Variants in ABCA10 observed in about 807,000 individuals in gnomAD.
ABCA10 encodes ATP binding cassette subfamily A member 10, also known as ATP-binding cassette sub-family A member 10.
A neutral mutation model predicts 187.5 loss-of-function variants in ABCA10; 169 were observed. The ratio of observed to expected loss-of-function variants is 0.90; its 90% confidence interval spans 0.80 to 1.02. The LOEUF (loss-of-function observed/expected upper bound fraction) is 1.02. Among genes scored for constraint, ABCA10 ranks in the 50% least tolerant of loss-of-function variants. The pLI, the probability that ABCA10 is intolerant of heterozygous loss-of-function variation, is 0.00. For synonymous variants in ABCA10, 574 were observed against 601.8 expected, an observed-to-expected ratio of 0.95 and a Z score of 0.68; for missense variants, 1,727 against 1,812.4, an observed-to-expected ratio of 0.95 and a Z score of 0.86.
intron 1 of ABCA10, among the ~76,000 whole-genome samples, chr17:69,243,439 T>C (rs974369882): frequency 1.3e-5 from 2 of 152,184 alleles, no homozygotes; most frequent in Non-Finnish European, 2.9e-5. Flanking sequence ...TAGTAAATAT[T>C]TGTGTACATA....
In ABCA10 at chr17:69,153,415, C is replaced by G. The variant is rs201564034; in HGVS notation, c.4042-16G>C. ...CAAAGCACAGCTGCAATGCAAGGAA[C>G]AGCCCGTCGGCACCCAGCCATGGGT... is the stretch of plus-strand genomic sequence containing the variant. On this transcript the variant is annotated splice_polypyrimidine_tract_variant and intron_variant, in intron 33 of 38. Transcript: ENST00000690296. 3 of 1,613,538 alleles carry G rather than the reference C, an allele frequency of 1.9e-6. No homozygotes were observed.
Position 69,214,699 on chromosome 17 carries a change from C to A in ABCA10, c.1006+5G>T. On this transcript the variant is annotated splice_donor_5th_base_variant and intron_variant, in intron 9 of 38. Transcript: ENST00000690296. ...AATTTAACTTTAACCACACTATTAA[C>A]TTACCAGGTAAAACTCGCTCAAAAT... The A allele has an allele frequency of 6.7e-7, 1 of 1,482,846 alleles. No individual in the cohort carries two copies. Among genetic ancestry groups the A allele is most frequent in the Non-Finnish European group, 8.9e-7 (1 of 1,118,324 alleles). The allele number at this position is 1,482,846 out of a possible 1,614,324, so 91.9% of individuals were successfully genotyped here.
At chr17:69,179,495 T>C (rs781186011) in intron 22 of ABCA10, among the ~76,000 whole-genome samples, 24 of 152,206 alleles carry the variant, frequency 1.6e-4, no homozygotes, top group Admixed American at 3.3e-4. Context: ...TGTGTCATAC[T>C]GCATCTGAAG....
rs556229659 is a variant in ABCA10 at position 69,154,757 on chromosome 17, C to T, written c.3694+262G>A. On this transcript the variant is annotated intron_variant, in intron 30 of 38. Transcript: ENST00000690296. ...TTCTGAAACAAATGCTTAGTTAGCA[C>T]CTTGAAAAATCTCCTGTATTACAAC... 9.2e-5 allele frequency among the ~76,000 whole-genome samples: 14 copies of T among 152,188 alleles called. No individual in the cohort carries two copies. In the South Asian group the frequency reaches 2.9e-3, roughly 32 times the overall value.
chr17:69,208,853 G>T lies in ABCA10; in HGVS notation c.1006+5851C>A, dbSNP rs150521525. Among the ~76,000 whole-genome samples the T allele has an allele frequency of 2.2e-3, 339 of 152,090 alleles. 2 individuals are homozygous for T. Among genetic ancestry groups the T allele is most frequent in the African/African-American group, 8.0e-3 (330 of 41,482 alleles). On this transcript the variant is annotated intron_variant, in intron 9 of 38. Coordinates refer to ENST00000690296, the MANE Select transcript of ABCA10 (RefSeq NM_001377321.1). ...GGAGTTTGAGACCAGCCTGGGCAACGTAGCAAGACCCCACCTCTACAAAAA... is the reference window on the plus strand; with the variant it reads ...GGAGTTTGAGACCAGCCTGGGCAACTTAGCAAGACCCCACCTCTACAAAAA...
chr17:69,174,691 G>A lies in ABCA10; in HGVS notation c.2964C>T (p.Tyr988=), dbSNP rs952968543. The change falls in exon 24 of 39, where the codon TAC becomes TAT. Residue 988 remains tyrosine (Y), a synonymous_variant. Transcript: ENST00000690296. ...CGQALVDIPL[Y]FLILFSIHLI... is the part of the protein sequence containing the mutation. ...AATGTATTGAAAAGAGAATCAAGAA[G>A]TATAATGGAATGTCCACCAGAGCCT... 6.8e-6 allele frequency: 11 copies of A among 1,611,904 alleles called. No homozygotes were observed. Among genetic ancestry groups the A allele is most frequent in the Non-Finnish European group, 1.7e-6 (2 of 1,178,506 alleles).
At position 69,214,752 on chromosome 17, in the gene ABCA10, T is replaced by C. The variant is rs1198265411; in HGVS notation, c.958A>G (p.Thr320Ala). The C allele has an allele frequency of 2.5e-5, 38 of 1,518,862 alleles. No individual in the cohort carries two copies. Among genetic ancestry groups the C allele is most frequent in the Non-Finnish European group, 3.3e-5 (38 of 1,141,878 alleles). 94.1% of individuals were successfully genotyped at this position (1,518,862 alleles called of 1,614,324 possible). ...AATGTGAATATCAAATAGAAAAGAG[T>C]ATCAAATGCCAAAATGAAAAAAGTG... ...IATFFILAFD[T>A]LFYLIFTLYF... Residue 320 changes from threonine (T) to alanine (A), a missense_variant, in exon 9 of 39, where the codon ACT becomes GCT. Transcript: ENST00000690296.
At chr17:69,214,992 T>G in intron 8 of ABCA10, 141 bp from the exon 9 acceptor site, 1 of 542,210 alleles carries the variant, frequency 1.8e-6, no homozygotes, top group Non-Finnish European at 2.9e-6. Flanking sequence ...AATGTGCTAT[T>G]AGTATTGTTG....
At position 69,191,273 on chromosome 17, in the gene ABCA10, G is replaced by A. The variant is rs758943447; in HGVS notation, c.1914C>T (p.Ser638=). 2 of 1,602,302 alleles carry A rather than the reference G, an allele frequency of 1.2e-6. No individual in the cohort carries two copies. Among genetic ancestry groups the A allele is most frequent in the Non-Finnish European group, 1.7e-6 (2 of 1,173,118 alleles). Reference sequence around the variant, plus strand: ...CATCAGGAATGTGCTGCTTAATAAGGGATGTGATTTTTTCTGTGTCACACA... The same window carrying A: ...CATCAGGAATGTGCTGCTTAATAAGAGATGTGATTTTTTCTGTGTCACACA... ...NEMCDTEKIT[S]LIKQHIPDAK... is the part of the protein sequence containing the mutation. The change falls in exon 17 of 39, where the codon TCC becomes TCT. Residue 638 remains serine, a synonymous_variant. Coordinates refer to ENST00000690296, the MANE Select transcript of ABCA10 (RefSeq NM_001377321.1).
At chr17:69,233,811 C>A (rs1013176022), upstream of ABCA10, 1 of 152,188 alleles carries the variant, frequency 6.6e-6, no homozygotes, top group East Asian at 1.9e-4. Flanking sequence ...CATGCTAAGC[C>A]CAGGTTTGCT....
chr17:69,215,499 A>C, intron 8 of ABCA10: 1 of 200,272 alleles, frequency 5.0e-6, no homozygotes. Flanking sequence ...TATCCATGCC[A>C]TCTGGCTTCA....
intron 12 of ABCA10, 96 bp downstream of exon 12, chr17:69,194,285 CTGTG>C: frequency 3.0e-6 from 3 of 995,180 alleles, no homozygotes; most frequent in Non-Finnish European, 4.6e-6. Context: ...AATTATTCAA[CTGTG>C]TAACAAGTCC....
At chr17:69,193,082 T>A in intron 15 of ABCA10, 28 bp downstream of exon 15, 1 of 1,567,480 alleles carries the variant, frequency 6.4e-7, no homozygotes, top group Non-Finnish European at 8.6e-7. Flanking sequence ...CTTAAATAAC[T>A]AGTTGGAATA....
intron 1 of ABCA10, among the ~76,000 whole-genome samples, chr17:69,239,788 G>C (rs1434271913): frequency 1.3e-5 from 2 of 152,138 alleles, no homozygotes; most frequent in Non-Finnish European, 2.9e-5. Flanking sequence ...TCACAGGACA[G>C]CCACCTCTAG....
chr17:69,149,881 TGA>T, intron 37 of ABCA10, 101 bp downstream of exon 37: 1 of 899,130 alleles, frequency 1.1e-6, no homozygotes, highest in African/African-American at 1.7e-5. Context: ...TTTCAAGTTT[TGA>T]TTGATTATTT....
intron 24 of ABCA10, 42 bp from the exon 25 acceptor site, chr17:69,174,436 G>A (rs749106730): frequency 6.6e-7 from 1 of 1,513,642 alleles, no homozygotes; most frequent in African/African-American, 1.4e-5. Flanking sequence ...GAAATGGCAG[G>A]TCATAGAGGG....
intron 9 of ABCA10, among the ~76,000 whole-genome samples, chr17:69,212,692 A>G (rs776717387): frequency 5.3e-5 from 8 of 152,190 alleles, no homozygotes; most frequent in Non-Finnish European, 1.2e-4. Flanking sequence ...CTGTTGGACT[A>G]GTCCTTTTAT....
chr17:69,232,342 T>C (rs1368555344), upstream of ABCA10, among the ~76,000 whole-genome samples: 1 of 152,116 alleles, frequency 6.6e-6, no homozygotes, highest in Non-Finnish European at 1.5e-5. Flanking sequence ...TGTGTGTAAA[T>C]GATTTTCTCT....
chr17:69,174,371 T>C lies in ABCA10; in HGVS notation c.3072A>G (p.Ala1024=). ...CATATGTGAGGAATATAAGAGAAAC[T>C]GCACAACCAATTATGCATACCACCT... The part of the protein sequence containing the change: ...FVLVVCIIGC[A]VSLIFLTYVL... Residue 1024 remains alanine, a synonymous_variant, in exon 25 of 39, where the codon GCA becomes GCG. Coordinates refer to ENST00000690296, the MANE Select transcript of ABCA10 (RefSeq NM_001377321.1). The C allele has an allele frequency of 1.9e-6, 3 of 1,599,142 alleles. No individual in the cohort carries two copies. The highest frequency in any genetic ancestry group is 2.6e-6 in the Non-Finnish European group (3 of 1,175,840).
Sources: gnomAD v4.1 joint callset for allele counts (sites outside exome capture counted in the v4.1 genomes callset) on GRCh38, gnomAD v4.1.1 for gene constraint, MANE v1.5 for transcripts, NCBI Gene and HGNC (gene_info 2026-07-23, HGNC 2026-07-21) for gene names.